TUFT1: variants seen among roughly 807,000 people sequenced by gnomAD.
TUFT1 encodes tuftelin.
A neutral mutation model predicts 57.8 loss-of-function variants in TUFT1; 43 were observed. That is an observed-to-expected ratio of 0.74 (90% CI 0.58 to 0.96). TUFT1 has a LOEUF of 0.96. Ranked by LOEUF, TUFT1 falls within the 40% of genes least tolerant of loss-of-function variation. TUFT1 has a pLI of 0.00. For synonymous variants in TUFT1, 166 were observed against 176.7 expected, an observed-to-expected ratio of 0.94 and a Z score of 0.48; for missense variants, 459 against 489.0, an observed-to-expected ratio of 0.94 and a Z score of 0.58.
chr1:151,555,636 A>G (rs1207744254), intron 1 of TUFT1, among the ~76,000 whole-genome samples: 40 of 151,786 alleles, frequency 2.6e-4, no homozygotes, highest in African/African-American at 9.4e-4. Context: ...AATTAGCCGG[A>G]CGTTGTGGTG....
chr1:151,544,577 G>A (rs375054941), intron 1 of TUFT1, among the ~76,000 whole-genome samples: 2 of 152,156 alleles, frequency 1.3e-5, no homozygotes, highest in African/African-American at 4.8e-5. Flanking sequence ...GATTACAGGC[G>A]TGAGCCACCG....
Position 151,581,855 on chromosome 1 carries a change from G to T in TUFT1, c.*148G>T, listed in dbSNP as rs185345071. The T allele has an allele frequency of 2.0e-3, 1,558 of 782,040 alleles. 20 individuals carry two copies. Among genetic ancestry groups the T allele is most frequent in the Non-Finnish European group, 2.5e-4 (114 of 464,182 alleles). 48.4% of individuals were successfully genotyped at this position (782,040 alleles called of 1,614,324 possible). A position where few individuals can be genotyped will look rare whatever the true frequency, so the allele number is the denominator to read the frequency against. On this transcript the variant is annotated 3_prime_UTR_variant, in exon 13 of 13. Coordinates refer to ENST00000368849, the MANE Select transcript of TUFT1 (RefSeq NM_020127.3). ...GGCTCCTGTGTCTCACCATTCCCAA[G>T]CCCCTGGCCACTCTAAGCTGGGCAG...
chr1:151,558,010 T>G (rs962511772), intron 1 of TUFT1: 10 of 444,842 alleles, frequency 2.2e-5, no homozygotes, highest in African/African-American at 1.6e-4. Context: ...AAAGAAAACC[T>G]AAGAGGGGAA....
chr1:151,574,313 T>G lies in TUFT1; in HGVS notation c.638T>G (p.Val213Gly). 1.2e-6 allele frequency: 2 copies of G among 1,614,142 alleles called. No individual in the cohort carries two copies. The highest frequency in any genetic ancestry group is 2.2e-5 in the South Asian group (2 of 91,082). The change falls in exon 8 of 13, where the codon GTG (valine) becomes GGG (glycine). Residue 213 changes from valine (V) to glycine (G), a missense_variant. By Grantham distance (109) the Val-to-Gly change is moderately radical. Coordinates refer to ENST00000368849, the MANE Select transcript of TUFT1 (RefSeq NM_020127.3). ...RYQREAEQSN[V>G]ALQREEDRVE... ...CAGAGGGAAGCAGAACAAAGTAATG[T>G]GGCCCTTCAGAGAGAGGAGGACAGA...
intron 1 of TUFT1, among the ~76,000 whole-genome samples, chr1:151,552,597 G>A (rs1406211696): frequency 1.3e-5 from 2 of 151,270 alleles, no homozygotes; most frequent in Non-Finnish European, 2.9e-5. Flanking sequence ...CCAGCTACTT[G>A]GGAGGCTGAG....
intron 1 of TUFT1, among the ~76,000 whole-genome samples, chr1:151,544,075 T>C (rs1343894670): frequency 6.6e-6 from 1 of 151,328 alleles, no homozygotes; most frequent in Non-Finnish European, 1.5e-5. Flanking sequence ...CTTGAACTCC[T>C]GGACTCAAGG....
intron 6 of TUFT1, among the ~76,000 whole-genome samples, chr1:151,566,457 T>C (rs1466811085): frequency 6.6e-6 from 1 of 152,186 alleles, no homozygotes; most frequent in Non-Finnish European, 1.5e-5. Context: ...GGTGGATCTT[T>C]CTAGGGCAGT....
rs1413962401 is a variant in TUFT1 at position 151,564,510 on chromosome 1, C to G, written c.325-15C>G. ...CTCTACCCTAAAGCTCAAGTTTCTT[C>G]CCCTCCCCTCCCAGGCCAGGAACTG... On this transcript the variant is annotated splice_polypyrimidine_tract_variant and intron_variant, in intron 4 of 12. Coordinates refer to ENST00000368849, the MANE Select transcript of TUFT1 (RefSeq NM_020127.3). 1 of 1,606,366 alleles carries G rather than the reference C, an allele frequency of 6.2e-7. No individual in the cohort carries two copies. The highest frequency in any genetic ancestry group is 1.3e-5 in the African/African-American group (1 of 74,746).
At chr1:151,574,176 G>A (rs945625311) in intron 7 of TUFT1, 94 bp from the exon 8 acceptor site, 1 of 1,506,130 alleles carries the variant, frequency 6.6e-7, no homozygotes, top group African/African-American at 1.4e-5. Context: ...CATGGCTCCA[G>A]AGCCGCCCAG....
rs1307518397 is a variant in TUFT1, at chr1:151,561,524, GA to G, written c.61-563del. 3.1e-6 allele frequency: 3 copies of G among 974,962 alleles called. No individual in the cohort carries two copies. The African/African-American group carries it at 5.4e-5, about 17-fold the overall frequency. 60.4% of individuals were successfully genotyped at this position (974,962 alleles called of 1,614,324 possible). A position where few individuals can be genotyped will look rare whatever the true frequency, so the allele number is the denominator to read the frequency against. On this transcript the variant is annotated intron_variant, in intron 1 of 12. Coordinates refer to ENST00000368849, the MANE Select transcript of TUFT1 (RefSeq NM_020127.3). ...ACACACACTTCTTTGACTTATGAAAGAAAACCTGCTTCATTCTTTGAAATTA... is the reference window on the plus strand; with the variant it reads ...ACACACACTTCTTTGACTTATGAAAGAAACCTGCTTCATTCTTTGAAATTA...
At chr1:151,564,418 C>A in intron 4 of TUFT1, 107 bp from the exon 5 acceptor site, 1 of 774,744 alleles carries the variant, frequency 1.3e-6, no homozygotes, top group Non-Finnish European at 2.2e-6. Flanking sequence ...GTCGTTAGGA[C>A]AGTGCCTGAC....
At chr1:151,566,534 C>T (rs1019595998) in intron 6 of TUFT1, among the ~76,000 whole-genome samples, 13 of 152,146 alleles carry the variant, frequency 8.5e-5, no homozygotes, top group African/African-American at 2.9e-4. Flanking sequence ...GCCTGGGTCC[C>T]ATCCCTAGAG....
At chr1:151,559,578 C>G (rs574276027) in intron 1 of TUFT1, among the ~76,000 whole-genome samples, 14 of 152,218 alleles carry the variant, frequency 9.2e-5, no homozygotes, top group African/African-American at 3.4e-4. Flanking sequence ...GTGAGTTTAC[C>G]CAGACTGTGG....
intron 1 of TUFT1, among the ~76,000 whole-genome samples, chr1:151,556,703 C>T (rs1191614956): frequency 3.9e-5 from 6 of 152,118 alleles, no homozygotes; most frequent in African/African-American, 1.4e-4. Context: ...GACACAGTGA[C>T]TCACGCCTGT....
At chr1:151,550,313 G>A (rs1235358289) in intron 1 of TUFT1, among the ~76,000 whole-genome samples, 8 of 152,130 alleles carry the variant, frequency 5.3e-5, no homozygotes, top group African/African-American at 1.2e-4. Flanking sequence ...GATTATAGGC[G>A]TGAGCCACTG....
In TUFT1 at chr1:151,562,573, C is replaced by G. The variant is rs750089039; in HGVS notation, c.136-12C>G. The G allele has an allele frequency of 3.1e-6, 5 of 1,610,104 alleles. No homozygotes were observed. In the African/African-American group the frequency reaches 4.0e-5, roughly 13 times the overall value. On this transcript the variant is annotated splice_polypyrimidine_tract_variant and intron_variant, in intron 2 of 12. Coordinates refer to ENST00000368849, the MANE Select transcript of TUFT1 (RefSeq NM_020127.3). ...CTCTCTCTCTCTCTCTCTCTCATCTCTCTTTGGCCAGGCGGGCAGGAAGAC... is the reference window on the plus strand; with the variant it reads ...CTCTCTCTCTCTCTCTCTCTCATCTGTCTTTGGCCAGGCGGGCAGGAAGAC...
At chr1:151,567,473 A>T (rs1666121278) in intron 6 of TUFT1, among the ~76,000 whole-genome samples, 1 of 152,110 alleles carries the variant, frequency 6.6e-6, no homozygotes, top group Non-Finnish European at 1.5e-5. Flanking sequence ...GGCTTAAGTG[A>T]TCTGCCCACC....
intron 7 of TUFT1, among the ~76,000 whole-genome samples, chr1:151,571,152 G>T (rs1277568032): frequency 1.3e-5 from 2 of 152,258 alleles, no homozygotes; most frequent in Non-Finnish European, 2.9e-5. Flanking sequence ...GGTAAAAAGA[G>T]AAAGGCCAGC....
chr1:151,567,287 CATT>C (rs1304142615), intron 6 of TUFT1, among the ~76,000 whole-genome samples: 1 of 152,142 alleles, frequency 6.6e-6, no homozygotes, highest in Admixed American at 6.5e-5. Flanking sequence ...AGTCATGGCT[CATT>C]ATATTCTCAA....
Sources: gnomAD v4.1 joint callset for allele counts (sites outside exome capture counted in the v4.1 genomes callset) on GRCh38, gnomAD v4.1.1 for gene constraint, MANE v1.5 for transcripts, NCBI Gene and HGNC (gene_info 2026-07-23, HGNC 2026-07-21) for gene names.